TMPRSS11E: variants seen among roughly 807,000 people sequenced by gnomAD.
The protein encoded by TMPRSS11E is transmembrane protease serine 11E.
A neutral mutation model predicts 48.1 loss-of-function variants in TMPRSS11E; 38 were observed. That is an observed-to-expected ratio of 0.79 (90% confidence interval 0.61 to 1.04). The LOEUF (loss-of-function observed/expected upper bound fraction) is 1.04, where lower values mean the gene tolerates loss of function less well. TMPRSS11E is among the 50% of genes least tolerant of loss of function. The pLI, the probability that TMPRSS11E is intolerant of heterozygous loss-of-function variation, is 0.00. For missense variants in TMPRSS11E, 530 were observed against 510.8 expected (o/e 1.04, Z -0.36); for synonymous variants, 158 against 171.9 (o/e 0.92, Z 0.63).
Position 68,456,485 on chromosome 4 carries a change from A to G in TMPRSS11E, c.12-5336A>G, listed in dbSNP as rs190121701. On this transcript the variant is annotated intron_variant, in intron 1 of 9. Coordinates refer to ENST00000305363, the MANE Select transcript of TMPRSS11E (RefSeq NM_014058.4). ...TTTAAAAAAACAGCAATGAAAATATATAATCCATGCACGTATATATGATAT... is the reference window on the plus strand; with the variant it reads ...TTTAAAAAAACAGCAATGAAAATATGTAATCCATGCACGTATATATGATAT... Among the ~76,000 whole-genome samples, 68 of 152,122 alleles carry G rather than the reference A, an allele frequency of 4.5e-4. No homozygotes were observed. The East Asian group carries it at 0.012, about 28-fold the overall frequency.
chr4:68,454,448 T>C (rs919612381), intron 1 of TMPRSS11E, among the ~76,000 whole-genome samples: 3 of 151,972 alleles, frequency 2.0e-5, no homozygotes, highest in African/African-American at 7.2e-5. Flanking sequence ...TAGAACGTAA[T>C]TGTCAAGGTG....
chr4:68,480,665 A>G (rs1444198107), intron 9 of TMPRSS11E, among the ~76,000 whole-genome samples: 1 of 152,076 alleles, frequency 6.6e-6, no homozygotes, highest in African/African-American at 2.4e-5. Flanking sequence ...ATTCAAGTAA[A>G]AACTTTTATA....
Position 68,462,024 on chromosome 4 carries a change from C to G in TMPRSS11E, c.136+79C>G. 4 of 1,561,576 alleles carry G rather than the reference C, an allele frequency of 2.6e-6. 1 individual carries two copies. In the Admixed American group the frequency reaches 6.9e-5, roughly 27 times the overall value. On this transcript the variant is annotated intron_variant, in intron 2 of 9. Coordinates refer to ENST00000305363, the MANE Select transcript of TMPRSS11E (RefSeq NM_014058.4). Reference sequence around the variant, plus strand: ...CCTTGCTGTTTTGATTTGCCTCAGGCTTATTCATTTATCACTACGATTCAT... The same window carrying G: ...CCTTGCTGTTTTGATTTGCCTCAGGGTTATTCATTTATCACTACGATTCAT...
intron 9 of TMPRSS11E, among the ~76,000 whole-genome samples, chr4:68,492,554 T>C (rs894654611): frequency 6.6e-6 from 1 of 152,200 alleles, no homozygotes; most frequent in Admixed American, 6.5e-5. Context: ...TGCAAGAAGG[T>C]TGTGATGTGC....
chr4:68,487,064 T>C (rs1729573676), intron 9 of TMPRSS11E, among the ~76,000 whole-genome samples: 1 of 152,196 alleles, frequency 6.6e-6, no homozygotes, highest in Admixed American at 6.5e-5. Flanking sequence ...TGGGTCTTGC[T>C]TCTTTATCCA....
intron 2 of TMPRSS11E, among the ~76,000 whole-genome samples, chr4:68,463,305 T>G (rs1454150878): frequency 6.6e-6 from 1 of 151,394 alleles, no homozygotes; most frequent in Non-Finnish European, 1.5e-5. Context: ...TGTAGCACAC[T>G]TTTTTTTTGC....
At chr4:68,457,952 G>A (rs1312298360) in intron 1 of TMPRSS11E, among the ~76,000 whole-genome samples, 1 of 152,042 alleles carries the variant, frequency 6.6e-6, no homozygotes, top group Non-Finnish European at 1.5e-5. Context: ...GGCTAGGGGA[G>A]GGATAGTATT....
intron 8 of TMPRSS11E, among the ~76,000 whole-genome samples, chr4:68,478,451 C>CTTTTTTTTTTTTTTT (rs377068765): frequency 2.7e-5 from 2 of 73,616 alleles, no homozygotes; most frequent in East Asian, 6.2e-4. Context: ...GTATCCCCCG[C>CTTTTTTTTTTTTTTT]TTTTTTTTTT....
chr4:68,494,320 C>T (rs1729810716), intron 9 of TMPRSS11E, among the ~76,000 whole-genome samples: 2 of 152,264 alleles, frequency 1.3e-5, no homozygotes, highest in Non-Finnish European at 2.9e-5. Flanking sequence ...ACTCAACAGG[C>T]ATCATGAAAT....
chr4:68,492,269 T>A (rs1048842645), intron 9 of TMPRSS11E, among the ~76,000 whole-genome samples: 1 of 152,208 alleles, frequency 6.6e-6, no homozygotes, highest in Non-Finnish European at 1.5e-5. Flanking sequence ...ATTCACCTAC[T>A]CACTAAAATT....
At chr4:68,472,819 T>A (rs1273166950) in intron 5 of TMPRSS11E, among the ~76,000 whole-genome samples, 1 of 152,038 alleles carries the variant, frequency 6.6e-6, no homozygotes, top group African/African-American at 2.4e-5. Flanking sequence ...ATAACACTTT[T>A]CTTTCTTCCC....
chr4:68,496,326 T>A (rs1729863591), intron 9 of TMPRSS11E, among the ~76,000 whole-genome samples: 1 of 152,006 alleles, frequency 6.6e-6, no homozygotes, highest in Non-Finnish European at 1.5e-5. Context: ...GACAAAATAA[T>A]TAGGGAGTTA....
intron 1 of TMPRSS11E, among the ~76,000 whole-genome samples, chr4:68,448,244 T>C (rs891111929): frequency 1.5e-4 from 23 of 152,006 alleles, no homozygotes; most frequent in African/African-American, 5.6e-4. Flanking sequence ...TATTAGTTTT[T>C]ACTTTGAGAA....
chr4:68,466,497 GGAT>G (rs577545851), intron 2 of TMPRSS11E, 131 bp from the exon 3 acceptor site: 279 of 841,082 alleles, frequency 3.3e-4, no homozygotes, highest in Non-Finnish European at 4.5e-4. Flanking sequence ...GCCTGGGGCA[GGAT>G]GATGATGATG....
Position 68,466,609 on chromosome 4 carries a change from T to A in TMPRSS11E, c.137-22T>A. Reference sequence around the variant, plus strand: ...ACACATCTGATAAAAATTATGATAGTGTTTTGCTTCTTTCCTTGTAGATCA... The same window carrying A: ...ACACATCTGATAAAAATTATGATAGAGTTTTGCTTCTTTCCTTGTAGATCA... On this transcript the variant is annotated intron_variant, in intron 2 of 9. Transcript: ENST00000305363. 3 of 1,607,058 alleles carry A rather than the reference T, an allele frequency of 1.9e-6. No individual in the cohort carries two copies. The South Asian group carries it at 3.3e-5, about 18-fold the overall frequency.
At chr4:68,468,658 C>T (rs965659424) in intron 3 of TMPRSS11E, among the ~76,000 whole-genome samples, 20 of 152,134 alleles carry the variant, frequency 1.3e-4, no homozygotes, top group African/African-American at 4.6e-4. Context: ...ACTTCTGGCC[C>T]CACTGCGGTT....
intron 9 of TMPRSS11E, among the ~76,000 whole-genome samples, chr4:68,490,751 CTTTTTTTTTTTTTTT>C (rs1158277585): frequency 1.0e-4 from 7 of 69,328 alleles, no homozygotes; most frequent in African/African-American, 3.6e-4. Flanking sequence ...TCAGCATATT[CTTTTTTTTTTTTTTT>C]TTTTTTTTTT....
intron 4 of TMPRSS11E, among the ~76,000 whole-genome samples, chr4:68,469,619 C>T (rs1019941167): frequency 6.6e-6 from 1 of 151,870 alleles, no homozygotes; most frequent in African/African-American, 2.4e-5. Context: ...AAATTCTGTA[C>T]TCTCTGGTGT....
intron 9 of TMPRSS11E, among the ~76,000 whole-genome samples, chr4:68,482,675 G>A (rs1729441818): frequency 6.6e-6 from 1 of 151,792 alleles, no homozygotes; most frequent in Non-Finnish European, 1.5e-5. Context: ...GGGAGGCTGA[G>A]GTGGGAAGAT....
Sources: gnomAD v4.1 joint callset for allele counts (sites outside exome capture counted in the v4.1 genomes callset) on GRCh38, gnomAD v4.1.1 for gene constraint, MANE v1.5 for transcripts, NCBI Gene and HGNC (gene_info 2026-07-23, HGNC 2026-07-21) for gene names.